SP2: variants seen among roughly 807,000 people sequenced by gnomAD.
SP2 encodes transcription factor Sp2.
Under a neutral mutation model 50.1 loss-of-function variants are expected in SP2, and 9 were observed. The ratio of observed to expected loss-of-function variants is 0.18; its 90% confidence interval spans 0.11 to 0.31. The LOEUF (loss-of-function observed/expected upper bound fraction) is 0.31, where lower values mean the gene tolerates loss of function less well. Ranked by LOEUF, SP2 falls within the 10% of genes least tolerant of loss-of-function variation. The pLI, the probability that SP2 is intolerant of heterozygous loss-of-function variation, is 1.00. For missense variants in SP2, 581 were observed against 806.5 expected (o/e 0.72, Z 3.39); for synonymous variants, 313 against 326.6 (o/e 0.96, Z 0.45).
chr17:47,902,191 A>G (rs2034569724), intron 1 of SP2, among the ~76,000 whole-genome samples: 1 of 152,080 alleles, frequency 6.6e-6, no homozygotes, highest in Non-Finnish European at 1.5e-5. Context: ...GAGAAGAGCA[A>G]TGCAAAGACC....
intron 3 of SP2, among the ~76,000 whole-genome samples, chr17:47,922,674 A>C (rs1309788674): frequency 6.6e-6 from 1 of 152,138 alleles, no homozygotes; most frequent in African/African-American, 2.4e-5. Flanking sequence ...ATGGTCATTC[A>C]CAGTGCACTG....
rs539572617 is a variant in SP2 at position 47,923,855 on chromosome 17, C to A, written c.1372+581C>A. ...TAGCTGGGATTATAGACGCCCACCA[C>A]CACGCCCGACTAATTTTTGTATTTT... On this transcript the variant is annotated intron_variant, in intron 4 of 6. Coordinates refer to ENST00000376741, the MANE Select transcript of SP2 (RefSeq NM_003110.6). 5.5e-4 allele frequency among the ~76,000 whole-genome samples: 83 copies of A among 152,148 alleles called. No individual in the cohort carries two copies. The South Asian group carries it at 0.011, about 21-fold the overall frequency.
chr17:47,922,503 T>C (rs1295713692), intron 3 of SP2, among the ~76,000 whole-genome samples: 1 of 151,556 alleles, frequency 6.6e-6, no homozygotes, highest in African/African-American at 2.4e-5. Context: ...TTTTTTTTTT[T>C]CTGATAACAA....
chr17:47,924,471 C>T (rs1214992541), intron 4 of SP2, among the ~76,000 whole-genome samples: 1 of 152,158 alleles, frequency 6.6e-6, no homozygotes. Flanking sequence ...TGGAGACTTT[C>T]CTAAAAGCAG....
chr17:47,920,920 C>G (rs554271979), intron 3 of SP2, among the ~76,000 whole-genome samples: 2 of 152,324 alleles, frequency 1.3e-5, no homozygotes, highest in South Asian at 4.1e-4. Flanking sequence ...AAGAAACTCT[C>G]TACCCTTTAG....
chr17:47,923,138 G>C lies in SP2; in HGVS notation c.1236G>C (p.Leu412=), dbSNP rs747576192. 4.3e-6 allele frequency: 7 copies of C among 1,614,236 alleles called. No individual in the cohort carries two copies. In the South Asian group the frequency reaches 7.7e-5, roughly 18 times the overall value. Residue 412 remains leucine, a synonymous_variant, in exon 4 of 7, where the codon CTG becomes CTC. Coordinates refer to ENST00000376741, the MANE Select transcript of SP2 (RefSeq NM_003110.6). ...SAAILRKERP[L]PKIAPAGSII... ...CAATTCTCCGAAAAGAGCGTCCCCT[G>C]CCAAAGATTGCCCCAGCCGGGAGCA...
rs141333589 is a variant in SP2, at chr17:47,926,440, G to A, written c.1741+899G>A. The stretch of plus-strand genomic sequence containing the variant: ...TGATTCTCCCACCTCAACCTCCTGA[G>A]TAGCTGGGACTACAGGCATGCACCA... On this transcript the variant is annotated intron_variant, in intron 6 of 6. Coordinates refer to ENST00000376741, the MANE Select transcript of SP2 (RefSeq NM_003110.6). 4.7e-3 allele frequency among the ~76,000 whole-genome samples: 708 copies of A among 151,630 alleles called. 10 individuals carry two copies. Among genetic ancestry groups the A allele is most frequent in the African/African-American group, 0.016 (676 of 41,296 alleles).
intron 4 of SP2, 116 bp from the exon 5 acceptor site, chr17:47,924,803 G>A (rs1458424705): frequency 2.2e-6 from 2 of 899,210 alleles, no homozygotes; most frequent in African/African-American, 1.7e-5. Flanking sequence ...ACATACAGCA[G>A]GCTCTCAAAA....
At chr17:47,922,679 GC>G (rs2035505952) in intron 3 of SP2, among the ~76,000 whole-genome samples, 1 of 152,116 alleles carries the variant, frequency 6.6e-6, no homozygotes, top group Admixed American at 6.5e-5. Context: ...CATTCACAGT[GC>G]ACTGCCTTCT....
At chr17:47,907,699 G>A (rs146506564) in intron 1 of SP2, among the ~76,000 whole-genome samples, 158 of 152,266 alleles carry the variant, frequency 1.0e-3, no homozygotes, top group African/African-American at 3.3e-3. Flanking sequence ...TTAAAATGGC[G>A]GAAGTGGTAT....
chr17:47,918,961 G>A (rs565532946), intron 3 of SP2, among the ~76,000 whole-genome samples: 2 of 151,870 alleles, frequency 1.3e-5, no homozygotes, highest in South Asian at 2.1e-4. Flanking sequence ...TTTACTCTCC[G>A]GCCCTTTATA....
At chr17:47,918,647 A>G (rs946340138) in intron 3 of SP2, 14 of 152,244 alleles carry the variant, frequency 9.2e-5, no homozygotes, top group African/African-American at 3.1e-4. Flanking sequence ...GCTTTATAAC[A>G]TCCCAACATG....
In SP2 at chr17:47,916,640, C is replaced by T. The variant is rs1598145392; in HGVS notation, c.569C>T (p.Thr190Ile). The change falls in exon 3 of 7, where the codon ACC (threonine) becomes ATC (isoleucine). Residue 190 changes from threonine (T) to isoleucine (I), a missense_variant. This residue lies in a region of SP2 where 397 missense variants were observed against 491.0 expected (regional missense o/e 0.81). Coordinates refer to ENST00000376741, the MANE Select transcript of SP2 (RefSeq NM_003110.6). The surrounding 1 kb of genome is among the most constrained non-coding windows in gnomAD (Gnocchi z 4.7). ...GCCCCCATCCAGAAGTCGAGTACGA[C>T]CACCACCCCCGTGCAGAGCGGGGCC... ...KPAPIQKSSTTTTPVQSGANV... is the reference protein window; with the variant it reads ...KPAPIQKSSTITTPVQSGANV... The T allele has an allele frequency of 6.2e-7, 1 of 1,614,032 alleles. No individual in the cohort carries two copies. Among genetic ancestry groups the T allele is most frequent in the Non-Finnish European group, 8.5e-7 (1 of 1,179,944 alleles).
chr17:47,930,125 T>C (rs2056325084), downstream of SP2, among the ~76,000 whole-genome samples: 2 of 152,194 alleles, frequency 1.3e-5, no homozygotes, highest in Non-Finnish European at 2.9e-5. Flanking sequence ...CACAGAAGCC[T>C]CTTCCTCAGC....
intron 3 of SP2, among the ~76,000 whole-genome samples, chr17:47,919,672 T>C (rs898452852): frequency 6.6e-6 from 1 of 151,984 alleles, no homozygotes; most frequent in African/African-American, 2.4e-5. Context: ...ACCCAGGAAA[T>C]TAGCAGTGAA....
rs763817932 is a variant in SP2 at position 47,925,392 on chromosome 17, A to G, written c.1592A>G (p.Asp531Gly). The change falls in exon 6 of 7, where the codon GAC (aspartate) becomes GGC (glycine). Residue 531 changes from aspartate (D) to glycine (G), a missense_variant. Coordinates refer to ENST00000376741, the MANE Select transcript of SP2 (RefSeq NM_003110.6). ...GKKKHVCHIP[D>G]CGKTFRKTSL... ...AAGAAGCACGTGTGCCACATCCCCG[A>G]CTGTGGCAAGACGTTCCGTAAGACG... The G allele has an allele frequency of 6.2e-7, 1 of 1,614,136 alleles. No homozygotes were observed. The highest frequency in any genetic ancestry group is 1.7e-5 in the Admixed American group (1 of 60,030).
At chr17:47,919,081 C>T (rs1002413885) in intron 3 of SP2, among the ~76,000 whole-genome samples, 2 of 152,012 alleles carry the variant, frequency 1.3e-5, no homozygotes, top group Non-Finnish European at 2.9e-5. Flanking sequence ...GAAAAAGGGG[C>T]ACATATCAGA....
rs141502862 is a variant in SP2 at position 47,916,101 on chromosome 17, C to T, written c.85-55C>T. On this transcript the variant is annotated intron_variant, in intron 2 of 6. Transcript: ENST00000376741. The surrounding 1 kb of genome is among the most constrained non-coding windows in gnomAD (Gnocchi z 4.7). Reference sequence around the variant, plus strand: ...AGGAGGAGAGGATCATGGACAGAGGCGGCCGGGCAGCGGGCCTTCCTGTCT... The same window carrying T: ...AGGAGGAGAGGATCATGGACAGAGGTGGCCGGGCAGCGGGCCTTCCTGTCT... The T allele has an allele frequency of 0.041, 63,442 of 1,549,224 alleles. 1,530 individuals are homozygous for T. The highest frequency in any genetic ancestry group is 0.11 in the Middle Eastern group (572 of 5,264).
At chr17:47,903,396 T>G (rs956060606) in intron 1 of SP2, among the ~76,000 whole-genome samples, 22 of 152,260 alleles carry the variant, frequency 1.4e-4, no homozygotes, top group Admixed American at 2.6e-4. Flanking sequence ...CCAGGCGCGG[T>G]GGCTCACGCC....
Sources: allele counts gnomAD v4.1 joint callset (sites outside exome capture counted in the v4.1 genomes callset), GRCh38; gene constraint gnomAD v4.1.1; regional missense constraint gnomAD v4.1.1; non-coding constraint Gnocchi (gnomAD v3.1); transcripts MANE v1.5; gene names NCBI Gene and HGNC (gene_info 2026-07-23, HGNC 2026-07-21).